Variants in MAML2 observed in about 807,000 individuals in gnomAD.
MAML2 encodes mastermind-like protein 2.
A neutral mutation model predicts 96.1 loss-of-function variants in MAML2; 22 were observed. The ratio of observed to expected loss-of-function variants is 0.23; its 90% CI spans 0.16 to 0.33. MAML2 has a LOEUF of 0.33. Ranked by LOEUF, MAML2 falls within the 10% of genes least tolerant of loss-of-function variation. MAML2 has a pLI of 1.00. For synonymous variants in MAML2, 561 were observed against 521.3 expected (o/e 1.08, Z -1.04); for missense variants, 1,367 against 1,392.4 (o/e 0.98, Z 0.29).
At chr11:96,013,282 C>A (rs974331755) in intron 2 of MAML2, among the ~76,000 whole-genome samples, 1 of 152,190 alleles carries the variant, frequency 6.6e-6, no homozygotes, top group African/African-American at 2.4e-5. Context: ...TGTATCTATT[C>A]ACTTCTCTCT....
intron 1 of MAML2, among the ~76,000 whole-genome samples, chr11:96,217,956 G>A (rs1333243067): frequency 2.0e-5 from 3 of 152,158 alleles, no homozygotes; most frequent in African/African-American, 7.2e-5. Flanking sequence ...AAGGATTTAT[G>A]TCTAAATGTG....
At chr11:96,292,510 G>T (rs1863227666) in intron 1 of MAML2, among the ~76,000 whole-genome samples, 2 of 152,102 alleles carry the variant, frequency 1.3e-5, no homozygotes, top group African/African-American at 2.4e-5. Context: ...AATTCATCTT[G>T]CCCAACCTTA....
At chr11:96,103,304 A>G (rs1327955177) in intron 1 of MAML2, among the ~76,000 whole-genome samples, 1 of 152,158 alleles carries the variant, frequency 6.6e-6, no homozygotes, top group African/African-American at 2.4e-5. Flanking sequence ...AATGTGACTT[A>G]TCAGGCACCT....
chr11:96,026,638 T>C (rs1235997798), intron 2 of MAML2, among the ~76,000 whole-genome samples: 1 of 152,058 alleles, frequency 6.6e-6, no homozygotes, highest in East Asian at 1.9e-4. Context: ...TGATCAAAAG[T>C]ATTCCTTTTG....
intron 2 of MAML2, among the ~76,000 whole-genome samples, chr11:96,067,600 T>A (rs1192679942): frequency 1.3e-5 from 2 of 152,038 alleles, no homozygotes; most frequent in African/African-American, 4.8e-5. Flanking sequence ...GTTTTTTTTT[T>A]AAATCATCTT....
At chr11:96,154,258 C>T (rs1357466859) in intron 1 of MAML2, among the ~76,000 whole-genome samples, 1 of 152,104 alleles carries the variant, frequency 6.6e-6, no homozygotes. Flanking sequence ...CTAACAAGCT[C>T]CCAGGTGCGG....
chr11:96,142,334 C>A (rs1860748128), intron 1 of MAML2, among the ~76,000 whole-genome samples: 1 of 152,166 alleles, frequency 6.6e-6, no homozygotes, highest in African/African-American at 2.4e-5. Context: ...GAGTTCCCAT[C>A]TGAATGATGG....
intron 1 of MAML2, among the ~76,000 whole-genome samples, chr11:96,144,846 T>A (rs1860791053): frequency 6.6e-6 from 1 of 152,160 alleles, no homozygotes; most frequent in African/African-American, 2.4e-5. Context: ...ACAAATCCCG[T>A]GGAAGAGAAA....
chr11:96,254,773 G>T (rs1302248695), intron 1 of MAML2, among the ~76,000 whole-genome samples: 1 of 152,108 alleles, frequency 6.6e-6, no homozygotes, highest in African/African-American at 2.4e-5. Flanking sequence ...GTAACAAAAT[G>T]GAATATATTT....
chr11:96,009,271 A>G (rs1449605205), intron 2 of MAML2, among the ~76,000 whole-genome samples: 1 of 152,172 alleles, frequency 6.6e-6, no homozygotes, highest in African/African-American at 2.4e-5. Context: ...CATTAAATCT[A>G]AATATTTTCT....
intron 1 of MAML2, among the ~76,000 whole-genome samples, chr11:96,151,167 C>G (rs1333223745): frequency 6.6e-6 from 1 of 152,170 alleles, no homozygotes; most frequent in Non-Finnish European, 1.5e-5. Context: ...GGGACACTTT[C>G]CTTTTTCAGA....
intron 1 of MAML2, among the ~76,000 whole-genome samples, chr11:96,272,923 T>C (rs1862937015): frequency 6.6e-6 from 1 of 152,224 alleles, no homozygotes; most frequent in Non-Finnish European, 1.5e-5. Flanking sequence ...GGTTTACATA[T>C]GCAAATTTTA....
chr11:96,019,929 A>G lies in MAML2; in HGVS notation c.2140-28206T>C, dbSNP rs565805073. Among the ~76,000 whole-genome samples, 4 of 152,308 alleles carry G rather than the reference A, an allele frequency of 2.6e-5. No homozygotes were observed. The South Asian group carries it at 6.2e-4, about 24-fold the overall frequency. ...CTCCATACTTATGACTCAAAGTTCAAACTTTGGTTGTCCCTCTGAGTCTCC... is the reference window on the plus strand; with the variant it reads ...CTCCATACTTATGACTCAAAGTTCAGACTTTGGTTGTCCCTCTGAGTCTCC... On this transcript the variant is annotated intron_variant, in intron 2 of 4. Transcript: ENST00000524717.
chr11:96,023,529 G>A (rs1004723942), intron 2 of MAML2, among the ~76,000 whole-genome samples: 1 of 152,132 alleles, frequency 6.6e-6, no homozygotes, highest in Non-Finnish European at 1.5e-5. Flanking sequence ...CTAGTGAGAC[G>A]ACTGATGTGG....
chr11:96,015,569 CAAA>C (rs745984911), intron 2 of MAML2, among the ~76,000 whole-genome samples: 5 of 49,272 alleles, frequency 1.0e-4, no homozygotes, highest in South Asian at 7.8e-4. Context: ...GCTAAGAAGG[CAAA>C]AAAAAAAAAA....
At position 96,342,199 on chromosome 11, in the gene MAML2, T is replaced by C. The variant is rs1864007649; in HGVS notation, c.-304A>G. The C allele has an allele frequency of 2.1e-6, 1 of 472,282 alleles. No individual in the cohort carries two copies. 29.3% of individuals were successfully genotyped at this position (472,282 alleles called of 1,614,324 possible). A position where few individuals can be genotyped will look rare whatever the true frequency, so the allele number is the denominator to read the frequency against. On this transcript the variant is annotated 5_prime_UTR_variant, in exon 1 of 5. Coordinates refer to ENST00000524717, the MANE Select transcript of MAML2 (RefSeq NM_032427.4). The stretch of plus-strand genomic sequence containing the variant: ...AGTTGGACAGAGTTGGTGGATTTTT[T>C]TTCCTCCACCAAGCTGACAAGAGCC...
chr11:96,316,628 A>G (rs1033373706), intron 1 of MAML2, among the ~76,000 whole-genome samples: 1 of 152,188 alleles, frequency 6.6e-6, no homozygotes, highest in East Asian at 1.9e-4. Context: ...TTGAAAAGCG[A>G]GGCAGGCAGC....
At chr11:96,188,068 A>G (rs925689266) in intron 1 of MAML2, among the ~76,000 whole-genome samples, 1 of 152,222 alleles carries the variant, frequency 6.6e-6, no homozygotes, top group Non-Finnish European at 1.5e-5. Flanking sequence ...CAGAATCATC[A>G]CTACAGCACC....
At chr11:96,251,987 C>T (rs1427130347) in intron 1 of MAML2, among the ~76,000 whole-genome samples, 3 of 152,130 alleles carry the variant, frequency 2.0e-5, no homozygotes, top group African/African-American at 4.8e-5. Context: ...CCGCCTCAGC[C>T]TCCCAAAGTG....
Sources: gnomAD v4.1 joint callset for allele counts (sites outside exome capture counted in the v4.1 genomes callset) on GRCh38, gnomAD v4.1.1 for gene constraint, MANE v1.5 for transcripts, NCBI Gene and HGNC (gene_info 2026-07-23, HGNC 2026-07-21) for gene names.